Variants in SIPA1L3 observed in about 807,000 individuals in gnomAD.
The protein encoded by SIPA1L3 is signal-induced proliferation-associated 1-like protein 3.
Under a neutral mutation model 150.1 loss-of-function variants are expected in SIPA1L3, and 59 were observed. The ratio of observed to expected loss-of-function variants is 0.39; its 90% CI spans 0.32 to 0.49. The LOEUF (loss-of-function observed/expected upper bound fraction) is 0.49. Among genes scored for constraint, SIPA1L3 ranks in the 20% least tolerant of loss-of-function variants. The pLI, the probability that SIPA1L3 is intolerant of heterozygous loss-of-function variation, is 0.86. For synonymous variants in SIPA1L3, 1,070 were observed against 1,077.6 expected (o/e 0.99, Z 0.14); for missense variants, 2,211 against 2,489.5 (o/e 0.89, Z 2.38).
intron 13 of SIPA1L3, among the ~76,000 whole-genome samples, chr19:38,158,529 T>G (rs1972001089): frequency 6.6e-6 from 1 of 152,080 alleles, no homozygotes; most frequent in Admixed American, 6.5e-5. Context: ...CAGGTCTCAG[T>G]CTTCTGTGCA....
At position 38,047,076 on chromosome 19, in the gene SIPA1L3, T is replaced by C. The variant is rs897193947; in HGVS notation, c.-311+17920T>C. On this transcript the variant is annotated intron_variant, in intron 2 of 21. Transcript: ENST00000222345. The surrounding 1 kb of genome is among the most constrained non-coding windows in gnomAD (Gnocchi z 4.7). ...ACCCTGTGAGGCAGGCACTATCCAG[T>C]TTTACACATGAGGAAACTGAGGCAC... is the stretch of plus-strand genomic sequence containing the variant. 1.3e-5 allele frequency among the ~76,000 whole-genome samples: 2 copies of C among 152,056 alleles called. No homozygotes were observed. The highest frequency in any genetic ancestry group is 4.8e-5 in the African/African-American group (2 of 41,390).
chr19:38,193,834 G>A (rs2146048442), intron 18 of SIPA1L3, 54 bp downstream of exon 18: 3 of 1,476,880 alleles, frequency 2.0e-6, no homozygotes, highest in South Asian at 1.4e-5. Flanking sequence ...GTTGGGAGGT[G>A]GGGATGCCCG....
chr19:38,072,294 A>G (rs1969740714), intron 2 of SIPA1L3, among the ~76,000 whole-genome samples: 1 of 152,244 alleles, frequency 6.6e-6, no homozygotes, highest in Admixed American at 6.5e-5. Flanking sequence ...ACAGGTGTGA[A>G]GTGCTCTGGA....
intron 16 of SIPA1L3, among the ~76,000 whole-genome samples, chr19:38,187,848 T>C (rs1301986514): frequency 1.3e-5 from 2 of 151,210 alleles, no homozygotes; most frequent in African/African-American, 4.9e-5. Context: ...AATACAAAAA[T>C]TAGCCGAGTA....
chr19:38,038,318 C>T (rs780244222), intron 2 of SIPA1L3, among the ~76,000 whole-genome samples: 1 of 152,068 alleles, frequency 6.6e-6, no homozygotes, highest in Non-Finnish European at 1.5e-5. Flanking sequence ...GCAGGCCAGA[C>T]GAGGTGGCTC....
chr19:38,134,322 A>G (rs868401917), intron 10 of SIPA1L3, among the ~76,000 whole-genome samples: 21 of 147,342 alleles, frequency 1.4e-4, no homozygotes, highest in Admixed American at 1.2e-3. Context: ...TGGCACATGC[A>G]TGTAGTCTCA....
At chr19:38,193,864 G>T in intron 18 of SIPA1L3, 84 bp downstream of exon 18, 1 of 1,399,616 alleles carries the variant, frequency 7.1e-7, no homozygotes, top group East Asian at 2.7e-5. Flanking sequence ...TCACCTGGAG[G>T]TCAAAGGCTA....
At chr19:38,199,171 C>T (rs1973031772) in intron 19 of SIPA1L3, among the ~76,000 whole-genome samples, 1 of 152,146 alleles carries the variant, frequency 6.6e-6, no homozygotes, top group South Asian at 2.1e-4. Flanking sequence ...CCACCCAGGG[C>T]CCTTTATGTG....
chr19:38,006,871 TTG>T (rs1967953412), intron 1 of SIPA1L3, among the ~76,000 whole-genome samples: 1 of 152,314 alleles, frequency 6.6e-6, no homozygotes, highest in South Asian at 2.1e-4. Flanking sequence ...ACAGCAGTGT[TTG>T]TCAGAGCAGA....
intron 1 of SIPA1L3, among the ~76,000 whole-genome samples, chr19:37,978,282 G>A (rs1203124843): frequency 1.3e-5 from 2 of 152,220 alleles, no homozygotes; most frequent in South Asian, 2.1e-4. Context: ...GCGATGGGCC[G>A]TGGGACTGGG....
chr19:38,147,403 T>A (rs58512019), intron 12 of SIPA1L3, among the ~76,000 whole-genome samples: 11,348 of 152,100 alleles, frequency 0.075, 1,267 homozygotes, highest in African/African-American at 0.24. Context: ...TTATCTTTTT[T>A]TTATTATTAT....
At chr19:37,916,227 A>G (rs2046413601) in intron 1 of SIPA1L3, among the ~76,000 whole-genome samples, 1 of 151,548 alleles carries the variant, frequency 6.6e-6, no homozygotes, top group Non-Finnish European at 1.5e-5. Context: ...GGGTTTTACC[A>G]TGTTGGCCAG....
At chr19:38,008,946 A>C (rs1968032412) in intron 1 of SIPA1L3, among the ~76,000 whole-genome samples, 1 of 152,144 alleles carries the variant, frequency 6.6e-6, no homozygotes, top group Non-Finnish European at 1.5e-5. Context: ...ACTGAGGAGC[A>C]TGCCTGCACC....
At chr19:38,139,387 CTGT>C (rs1971519935) in intron 10 of SIPA1L3, among the ~76,000 whole-genome samples, 1 of 152,164 alleles carries the variant, frequency 6.6e-6, no homozygotes, top group African/African-American at 2.4e-5. Context: ...TAACAAAGAC[CTGT>C]TATCAGGAGA....
intron 1 of SIPA1L3, among the ~76,000 whole-genome samples, chr19:37,926,756 C>T (rs56230664): frequency 0.27 from 40,822 of 151,982 alleles, 6,299 homozygotes; most frequent in Non-Finnish European, 0.36. Context: ...AGAGCTCAGT[C>T]GGGAAGTTGT....
intron 1 of SIPA1L3, among the ~76,000 whole-genome samples, chr19:37,997,178 T>A (rs1967654212): frequency 6.6e-6 from 1 of 152,202 alleles, no homozygotes; most frequent in Non-Finnish European, 1.5e-5. Flanking sequence ...TACTTTAGTT[T>A]CCTTGTCTGA....
Position 38,193,602 on chromosome 19 carries a change from G to T in SIPA1L3, c.4662G>T (p.Glu1554Asp), listed in dbSNP as rs766377786. 1 of 1,563,214 alleles carries T rather than the reference G, an allele frequency of 6.4e-7. No individual in the cohort carries two copies. The highest frequency in any genetic ancestry group is 1.2e-5 in the South Asian group (1 of 85,640). ...AGAGCCTGTGCAGCGGGCGCCGGGA[G>T]CCCAGCTTCGCCAGCCCCGCTGGCC... ...SDESLCSGRREPSFASPAGLE... is the reference protein window; with the variant it reads ...SDESLCSGRRDPSFASPAGLE... The change falls in exon 18 of 22, where the codon GAG (glutamate) becomes GAT (aspartate). Residue 1554 changes from glutamate to aspartate, a missense_variant. Glu to Asp is a conservative substitution (Grantham distance 45). Transcript: ENST00000222345.
chr19:38,179,619 TG>T, intron 15 of SIPA1L3, among the ~76,000 whole-genome samples: 1 of 152,218 alleles, frequency 6.6e-6, no homozygotes, highest in South Asian at 2.1e-4. Context: ...CCCTTTTTTG[TG>T]CTCTGTTTAT....
chr19:37,982,846 G>A (rs114982029), intron 1 of SIPA1L3, among the ~76,000 whole-genome samples: 377 of 152,266 alleles, frequency 2.5e-3, no homozygotes, highest in African/African-American at 8.8e-3. Context: ...CCAGAAAGAG[G>A]GACGGGGTCA....
Sources: allele counts gnomAD v4.1 joint callset (sites outside exome capture counted in the v4.1 genomes callset), GRCh38; gene constraint gnomAD v4.1.1; non-coding constraint Gnocchi (gnomAD v3.1); transcripts MANE v1.5; gene names NCBI Gene and HGNC (gene_info 2026-07-23, HGNC 2026-07-21).